Variants in MED14 observed in about 807,000 individuals in gnomAD.
MED14 encodes mediator complex subunit 14.
A neutral mutation model predicts 109.0 loss-of-function variants in MED14; 8 were observed. The observed-to-expected ratio is 0.07, with a 90% confidence interval of 0.04 to 0.13. The LOEUF (loss-of-function observed/expected upper bound fraction) is 0.13. MED14 is among the 10% of genes least tolerant of loss of function. The pLI, the probability that MED14 is intolerant of heterozygous loss-of-function variation, is 1.00. For missense variants in MED14, 711 were observed against 1,142.4 expected (o/e 0.62, Z 5.44); for synonymous variants, 399 against 408.7 (o/e 0.98, Z 0.29).
intron 10 of MED14, among the ~76,000 whole-genome samples, chrX:40,705,167 C>T (rs1368979753): frequency 1.8e-5 from 2 of 112,173 alleles, no homozygotes; most frequent in Non-Finnish European, 3.8e-5. Context: ...AAATCAGTGA[C>T]ATTTTGCTGA....
chrX:40,689,604 T>C (rs1208731492), intron 15 of MED14, among the ~76,000 whole-genome samples: 1 of 109,308 alleles, frequency 9.1e-6, no homozygotes, highest in Non-Finnish European at 1.9e-5. Flanking sequence ...GGCAGGAGAA[T>C]CGCTTGAATC....
At chrX:40,727,046 C>T (rs1409213544) in intron 2 of MED14, among the ~76,000 whole-genome samples, 195 bp from the exon 3 acceptor site, 1 of 111,728 alleles carries the variant, frequency 9.0e-6, no homozygotes. Context: ...GCTTTTTCAC[C>T]TCAGAGCAAT....
At position 40,713,000 on chromosome X, in the gene MED14, G is replaced by A; in HGVS notation, c.695C>T (p.Ala232Val). 8.5e-7 allele frequency: 1 copy of A among 1,183,349 alleles called. No homozygotes were observed. Among genetic ancestry groups the A allele is most frequent in the Non-Finnish European group, 1.1e-6 (1 of 877,134 alleles). The change falls in exon 6 of 31, where the codon GCC (alanine) becomes GTC (valine). Residue 232 changes from alanine to valine, a missense_variant. Ala to Val is a moderately conservative substitution (Grantham distance 64, BLOSUM62 0). Around this residue, in one of 8 missense-constraint regions of MED14, gnomAD observed 388 missense variants for 517.3 expected, o/e 0.75. Coordinates refer to ENST00000324817, the MANE Select transcript of MED14 (RefSeq NM_004229.4). Reference sequence around the variant, plus strand: ...GTCATCTCCCATCACAGTCAAGGTGGCTTCAAATTCTCCTTCAACACGAAA... The same window carrying A: ...GTCATCTCCCATCACAGTCAAGGTGACTTCAAATTCTCCTTCAACACGAAA... ...VKFRVEGEFE[A>V]TLTVMGDDPD... is the part of the protein sequence containing the mutation.
chrX:40,661,281 C>T (rs144281447), intron 26 of MED14, among the ~76,000 whole-genome samples: 1,230 of 108,692 alleles, frequency 0.011, 19 homozygotes, highest in African/African-American at 0.043. Context: ...GGGGTTTCAC[C>T]ATGTTGGCCA....
chrX:40,715,561 C>G (rs1445906088), intron 3 of MED14, among the ~76,000 whole-genome samples: 1 of 109,690 alleles, frequency 9.1e-6, no homozygotes, highest in Non-Finnish European at 1.9e-5. Flanking sequence ...CCAAGGTGGG[C>G]AGGTCACGAG....
Position 40,735,471 on chromosome X carries a change from G to A in MED14, c.-59C>T. ...ACGATGCGGTCCTCGAGCCTCCCGG[G>A]CGCTCGGTCACCGCGCCGAAACGGG... is the stretch of plus-strand genomic sequence containing the variant. On this transcript the variant is annotated 5_prime_UTR_variant, in exon 1 of 31. Coordinates refer to ENST00000324817, the MANE Select transcript of MED14 (RefSeq NM_004229.4). 1 of 1,055,783 alleles carries A rather than the reference G, an allele frequency of 9.5e-7. No individual in the cohort carries two copies. The highest frequency in any genetic ancestry group is 2.0e-5 in the South Asian group (1 of 50,337). The allele number at this position is 1,055,783 out of a possible 1,213,427, so 87.0% of individuals were successfully genotyped here.
chrX:40,704,223 C>T (rs1300522243), intron 10 of MED14, among the ~76,000 whole-genome samples: 2 of 111,938 alleles, frequency 1.8e-5, no homozygotes, highest in Admixed American at 9.5e-5. Context: ...TTCCACGAGG[C>T]CCAATTAACT....
At chrX:40,695,424 T>C (rs748328601) in intron 13 of MED14, among the ~76,000 whole-genome samples, 48 of 112,488 alleles carry the variant, frequency 4.3e-4, no homozygotes, top group African/African-American at 1.5e-3. Context: ...TCCACTTCCA[T>C]GAACATATTA....
intron 28 of MED14, 89 bp downstream of exon 28, chrX:40,659,138 T>C (rs1221968993): frequency 8.0e-6 from 4 of 500,836 alleles, no homozygotes; most frequent in East Asian, 4.1e-5. Context: ...AGAAACTACA[T>C]AGATGGGTGA....
intron 30 of MED14, 99 bp from the exon 31 acceptor site, chrX:40,651,978 C>T: frequency 1.2e-6 from 1 of 815,895 alleles, no homozygotes; most frequent in Non-Finnish European, 1.6e-6. Flanking sequence ...TTAGTGAGAA[C>T]TTTAAAGATC....
intron 16 of MED14, among the ~76,000 whole-genome samples, chrX:40,686,491 G>C (rs1469262517): frequency 9.0e-6 from 1 of 111,514 alleles, no homozygotes; most frequent in African/African-American, 3.3e-5. Flanking sequence ...TTTTCCTACT[G>C]ATTTCCATTT....
intron 13 of MED14, among the ~76,000 whole-genome samples, chrX:40,694,801 A>G (rs1052612276): frequency 1.8e-5 from 2 of 112,580 alleles, no homozygotes; most frequent in African/African-American, 6.5e-5. Context: ...GTTTTCTACA[A>G]AGTTAAACAC....
intron 15 of MED14, among the ~76,000 whole-genome samples, chrX:40,690,722 T>C (rs753746539): frequency 8.9e-6 from 1 of 111,904 alleles, no homozygotes; most frequent in Non-Finnish European, 1.9e-5. Context: ...GCCCACTGCC[T>C]GTTTTTGTAA....
chrX:40,662,890 C>A (rs1465957178), intron 26 of MED14, 35 bp downstream of exon 26: 16 of 1,091,801 alleles, frequency 1.5e-5, no homozygotes, highest in Non-Finnish European at 2.0e-5. Context: ...TTACCCTTAA[C>A]AATCACCACT....
At chrX:40,674,106 G>A (rs1929831631) in intron 22 of MED14, among the ~76,000 whole-genome samples, 1 of 110,970 alleles carries the variant, frequency 9.0e-6, no homozygotes, top group Non-Finnish European at 1.9e-5. Flanking sequence ...ATATCCGCTG[G>A]GCCAAGGTAC....
At chrX:40,667,222 A>T (rs936407759) in intron 23 of MED14, among the ~76,000 whole-genome samples, 3 of 112,191 alleles carry the variant, frequency 2.7e-5, no homozygotes, top group Non-Finnish European at 5.6e-5. Flanking sequence ...TTCTAATAGA[A>T]TGAGAAAGAC....
chrX:40,658,462 A>T (rs1303966185), intron 28 of MED14, among the ~76,000 whole-genome samples: 1 of 111,277 alleles, frequency 9.0e-6, no homozygotes, highest in Non-Finnish European at 1.9e-5. Context: ...TCAGATTTTT[A>T]AAAATTATAT....
intron 2 of MED14, among the ~76,000 whole-genome samples, chrX:40,728,145 G>A (rs994510070): frequency 1.8e-5 from 2 of 111,843 alleles, no homozygotes; most frequent in African/African-American, 6.5e-5. Flanking sequence ...TATAGAGGAT[G>A]CAAGGTCTCT....
At chrX:40,698,012 C>A (rs911186313) in intron 12 of MED14, among the ~76,000 whole-genome samples, 1 of 111,765 alleles carries the variant, frequency 8.9e-6, no homozygotes, top group Admixed American at 9.5e-5. Flanking sequence ...CATTGAAAGA[C>A]AAATTTAACT....
Sources: allele counts gnomAD v4.1 joint callset (sites outside exome capture counted in the v4.1 genomes callset), GRCh38; gene constraint gnomAD v4.1.1; regional missense constraint gnomAD v4.1.1; transcripts MANE v1.5; gene names NCBI Gene and HGNC (gene_info 2026-07-23, HGNC 2026-07-21).